Variants in LOXL2 observed in about 807,000 individuals in gnomAD.
LOXL2 encodes lysyl oxidase homolog 2.
Under a neutral mutation model 93.0 loss-of-function variants are expected in LOXL2, and 70 were observed. The ratio of observed to expected loss-of-function variants is 0.75; its 90% CI spans 0.62 to 0.92. The LOEUF is 0.92. Ranked by LOEUF, LOXL2 falls within the 40% of genes least tolerant of loss-of-function variation. LOXL2 has a pLI of 0.00. For synonymous variants in LOXL2, 438 were observed against 413.2 expected, an observed-to-expected ratio of 1.06 and a Z score of -0.73; for missense variants, 973 against 1,054.9, an observed-to-expected ratio of 0.92 and a Z score of 1.08.
chr8:23,403,080 C>T (rs1420257662), intron 1 of LOXL2, among the ~76,000 whole-genome samples: 2 of 152,152 alleles, frequency 1.3e-5, no homozygotes, highest in African/African-American at 4.8e-5. Flanking sequence ...ATTCCTGGGA[C>T]ACCTCGAGCA....
intron 2 of LOXL2, chr8:23,363,218 A>G (rs1171957571): frequency 2.6e-5 from 4 of 152,238 alleles, no homozygotes; most frequent in Non-Finnish European, 5.9e-5. Context: ...AAACCAAGGA[A>G]AGAAACGGAG....
At position 23,401,656 on chromosome 8, in the gene LOXL2, T is replaced by A. The variant is rs1434981907; in HGVS notation, c.-84+2298A>T. 3.3e-5 allele frequency among the ~76,000 whole-genome samples: 5 copies of A among 152,326 alleles called. No individual in the cohort carries two copies. The East Asian group carries it at 7.7e-4, about 23-fold the overall frequency. On this transcript the variant is annotated intron_variant, in intron 1 of 13. Coordinates refer to ENST00000389131, the MANE Select transcript of LOXL2 (RefSeq NM_002318.3). ...TTTTTTGAGAATAAAAAATAAACAATGTAGTGTTTTCTGGGACTCAACACC... is the reference window on the plus strand; with the variant it reads ...TTTTTTGAGAATAAAAAATAAACAAAGTAGTGTTTTCTGGGACTCAACACC...
At chr8:23,390,615 C>T (rs1804830713) in intron 1 of LOXL2, among the ~76,000 whole-genome samples, 2 of 152,212 alleles carry the variant, frequency 1.3e-5, no homozygotes, top group Admixed American at 6.5e-5. Flanking sequence ...CAGGCTGTTT[C>T]CTGGGAAGGC....
chr8:23,394,379 T>C (rs1459406498), intron 1 of LOXL2, among the ~76,000 whole-genome samples: 7 of 126,700 alleles, frequency 5.5e-5, no homozygotes, highest in Non-Finnish European at 7.9e-5. Context: ...GGTGACAGAG[T>C]GAGACTCTGT....
chr8:23,319,485 G>A (rs1453329322), intron 8 of LOXL2, among the ~76,000 whole-genome samples: 5 of 152,314 alleles, frequency 3.3e-5, no homozygotes, highest in Middle Eastern at 3.4e-3. Context: ...AAGCTAAGGC[G>A]TTTAGCGGGG....
intron 3 of LOXL2, among the ~76,000 whole-genome samples, chr8:23,347,636 T>G (rs1563197994): frequency 6.6e-6 from 1 of 151,914 alleles, no homozygotes; most frequent in Non-Finnish European, 1.5e-5. Context: ...GGCGAAAGAC[T>G]GAGACTCCGT....
At chr8:23,324,972 TA>T (rs1257914910) in intron 6 of LOXL2, among the ~76,000 whole-genome samples, 1 of 152,190 alleles carries the variant, frequency 6.6e-6, no homozygotes. Context: ...GCCACTGCTG[TA>T]AAACTGGGGA....
intron 4 of LOXL2, among the ~76,000 whole-genome samples, chr8:23,338,914 G>C (rs1268139822): frequency 6.6e-6 from 1 of 152,202 alleles, no homozygotes; most frequent in East Asian, 1.9e-4. Context: ...CCCTGAAGCA[G>C]ACCTGGGCTG....
chr8:23,354,921 C>A (rs74299703), intron 3 of LOXL2, among the ~76,000 whole-genome samples: 1 of 129,354 alleles, frequency 7.7e-6, no homozygotes. Flanking sequence ...CGCCTTGGCT[C>A]TGGGAGTTGG....
At chr8:23,350,011 G>A (rs7846640) in intron 3 of LOXL2, among the ~76,000 whole-genome samples, 45,976 of 151,718 alleles carry the variant, frequency 0.3, 9,111 homozygotes, top group African/African-American at 0.56. Context: ...CGACTTGTGT[G>A]ACTTATGGAT....
chr8:23,315,332 C>T (rs1462494312), intron 9 of LOXL2, among the ~76,000 whole-genome samples: 1 of 152,042 alleles, frequency 6.6e-6, no homozygotes, highest in Non-Finnish European at 1.5e-5. Flanking sequence ...TGAAGGGTTG[C>T]CTGAAGAATT....
chr8:23,344,963 C>A (rs1429876711), intron 3 of LOXL2, among the ~76,000 whole-genome samples: 1 of 152,168 alleles, frequency 6.6e-6, no homozygotes, highest in East Asian at 1.9e-4. Flanking sequence ...CCTCCTTACA[C>A]CCCAACCACA....
intron 4 of LOXL2, among the ~76,000 whole-genome samples, chr8:23,340,289 T>C (rs953026603): frequency 2.6e-5 from 4 of 152,118 alleles, no homozygotes; most frequent in African/African-American, 9.7e-5. Context: ...AGTATTCCTA[T>C]CATTATTAAG....
chr8:23,401,246 A>T (rs747573697), intron 1 of LOXL2, among the ~76,000 whole-genome samples: 14 of 152,268 alleles, frequency 9.2e-5, no homozygotes, highest in Non-Finnish European at 1.9e-4. Flanking sequence ...ACAGAAAAGT[A>T]GTTTGAAAGG....
chr8:23,316,734 C>T (rs1409865538), intron 9 of LOXL2: 4 of 540,422 alleles, frequency 7.4e-6, no homozygotes, highest in Non-Finnish European at 1.3e-5. Flanking sequence ...ACTGCAGCCC[C>T]TCCCTCCCGC....
At chr8:23,301,646 C>T (rs1486852297) in intron 12 of LOXL2, among the ~76,000 whole-genome samples, 2 of 152,124 alleles carry the variant, frequency 1.3e-5, no homozygotes, top group East Asian at 3.9e-4. Context: ...CAGCCTAGGG[C>T]ACTAGGAGAA....
chr8:23,341,685 G>A (rs571901615), intron 3 of LOXL2: 7 of 198,580 alleles, frequency 3.5e-5, no homozygotes, highest in East Asian at 1.2e-4. Flanking sequence ...TTCAGATAGA[G>A]GACCCCCAGA....
In LOXL2 at chr8:23,360,071, T is replaced by C. The variant is rs760707749; in HGVS notation, c.531+19A>G. On this transcript the variant is annotated intron_variant, in intron 3 of 13. Transcript: ENST00000389131. ...GAAAAATGTTTGCATGAAGGAAACA[T>C]CAAGAGCACATGACTTGCCTCTATC... 3.1e-6 allele frequency: 5 copies of C among 1,587,342 alleles called. No individual in the cohort carries two copies. Among genetic ancestry groups the C allele is most frequent in the Non-Finnish European group, 3.5e-6 (4 of 1,157,840 alleles).
Position 23,333,554 on chromosome 8 carries a change from G to T in LOXL2, c.813C>A (p.His271Gln). 6.2e-7 allele frequency: 1 copy of T among 1,613,940 alleles called. No individual in the cohort carries two copies. Among genetic ancestry groups the T allele is most frequent in the African/African-American group, 1.3e-5 (1 of 75,076 alleles). ...GGGGGCCCAGCTTGCAGCTGGAGAT[G>T]TGGGCCTCTGTGCCGGTGCAGTCCA... is the stretch of plus-strand genomic sequence containing the variant. ...FSMDCTGTEA[H>Q]ISSCKLGPQV... Residue 271 changes from histidine (H) to glutamine (Q), a missense_variant, in exon 5 of 14, where the codon CAC becomes CAA. Transcript: ENST00000389131.
Sources: allele counts gnomAD v4.1 joint callset (sites outside exome capture counted in the v4.1 genomes callset), GRCh38; gene constraint gnomAD v4.1.1; transcripts MANE v1.5; gene names NCBI Gene and HGNC (gene_info 2026-07-23, HGNC 2026-07-21).